The following DNMT3A variants were observed in gnomAD, a reference collection of about 807,000 sequenced individuals.
DNMT3A encodes the protein DNA (cytosine-5)-methyltransferase 3A.
A neutral mutation model predicts 117.6 loss-of-function variants in DNMT3A; 267 were observed. That is an observed-to-expected ratio of 2.27 (90% CI 2.05 to 2.51). The LOEUF is 2.51. Among genes scored for constraint, DNMT3A ranks in the 30% most tolerant of loss-of-function variants. The pLI, the probability that DNMT3A is intolerant of heterozygous loss-of-function variation, is 0.00. For missense variants in DNMT3A, 1,029 were observed against 1,260.2 expected, an observed-to-expected ratio of 0.82 and a Z score of 2.78; for synonymous variants, 432 against 474.8, an observed-to-expected ratio of 0.91 and a Z score of 1.17.
In DNMT3A at chr2:25,286,978, A is replaced by G. The variant is rs1402722900; in HGVS notation, c.178-4267T>C. ...GACTTTGCTCGATCCGGCTAGACTT[A>G]GCAGGGAGTGGGGCACCTGACAGGT... On this transcript the variant is annotated intron_variant, in intron 3 of 22. Coordinates refer to ENST00000321117, the MANE Select transcript of DNMT3A (RefSeq NM_022552.5). This position sits in a 1 kb window ranked among gnomAD's most constrained non-coding sequence, Gnocchi z 4.3. Among the ~76,000 whole-genome samples, 3 of 152,226 alleles carry G rather than the reference A, an allele frequency of 2.0e-5. No homozygotes were observed. The highest frequency in any genetic ancestry group is 1.3e-4 in the Admixed American group (2 of 15,290).
rs1482741976 is a variant in DNMT3A at position 25,245,887 on chromosome 2, G to A, written c.1474+133C>T. The A allele has an allele frequency of 2.7e-5, 31 of 1,159,796 alleles. No homozygotes were observed. The Middle Eastern group carries it at 8.4e-4, about 32-fold the overall frequency. The allele number at this position is 1,159,796 out of a possible 1,614,324, so 71.8% of individuals were successfully genotyped here. The stretch of plus-strand genomic sequence containing the variant: ...GGCACCAGAAAGACAGACAGTGCAC[G>A]AAGCACGGTGAAGGTGGTGTGACAC... On this transcript the variant is annotated intron_variant, in intron 12 of 22. Transcript: ENST00000321117.
rs1673704860 is a variant in DNMT3A, at chr2:25,239,214, G to A, written c.2324C>T (p.Ser775Phe). The change falls in exon 20 of 23, where the codon TCC becomes TTC. Residue 775 changes from serine (S) to phenylalanine (F), a missense_variant and splice_region_variant. Transcript: ENST00000321117. ...TTTGGCATCAATCATCACAGGGTTG[G>A]ACTACAAAACAGGAGACGGTTTGAA... ...DKRDISRFLESNPVMIDAKEV... is the reference protein window; with the variant it reads ...DKRDISRFLEFNPVMIDAKEV... 6.2e-7 allele frequency: 1 copy of A among 1,613,762 alleles called. No individual in the cohort carries two copies. Among genetic ancestry groups the A allele is most frequent in the Non-Finnish European group, 8.5e-7 (1 of 1,179,794 alleles).
At position 25,233,712 on chromosome 2, in the gene DNMT3A, T is replaced by C. The variant is rs1219121325; in HGVS notation, c.*567A>G. The stretch of plus-strand genomic sequence containing the variant: ...TGAGTGTCTCTCTCTTTCCGTCCCC[T>C]GCTTGTGCTCCTATCTGATCAGGCT... On this transcript the variant is annotated 3_prime_UTR_variant, in exon 23 of 23. Coordinates refer to ENST00000321117, the MANE Select transcript of DNMT3A (RefSeq NM_022552.5). 1.4e-5 allele frequency: 3 copies of C among 219,480 alleles called. No individual in the cohort carries two copies. Among genetic ancestry groups the C allele is most frequent in the African/African-American group, 2.4e-5 (1 of 41,560 alleles). 13.6% of individuals were successfully genotyped at this position (219,480 alleles called of 1,614,324 possible). A position where few individuals can be genotyped will look rare whatever the true frequency, so the allele number is the denominator to read the frequency against.
At chr2:25,288,505 T>G (rs1480908525) in intron 3 of DNMT3A, among the ~76,000 whole-genome samples, 1 of 151,832 alleles carries the variant, frequency 6.6e-6, no homozygotes, top group African/African-American at 2.4e-5. Context: ...AGAGATGGGA[T>G]TTCACCATCT....
intron 4 of DNMT3A, among the ~76,000 whole-genome samples, chr2:25,278,487 AC>A (rs2031636978): frequency 6.6e-6 from 1 of 152,144 alleles, no homozygotes; most frequent in African/African-American, 2.4e-5. Flanking sequence ...AAGTAATTTA[AC>A]CTTTCTGAAG....
chr2:25,292,205 C>T (rs1573441160), intron 3 of DNMT3A, among the ~76,000 whole-genome samples: 1 of 151,990 alleles, frequency 6.6e-6, no homozygotes, highest in African/African-American at 2.4e-5. Flanking sequence ...AAAAAATTAG[C>T]CAGGCATGGT....
Position 25,300,761 on chromosome 2 carries a change from AT to A in DNMT3A, c.73-519del, listed in dbSNP as rs1558723100. On this transcript the variant is annotated intron_variant, in intron 2 of 22. Transcript: ENST00000321117. ...TATATATATATATATATATATATATATATATATAAATAATACATCCTTTGGG... is the reference window on the plus strand; with the variant it reads ...TATATATATATATATATATATATATAATATATAAATAATACATCCTTTGGG... Among the ~76,000 whole-genome samples the A allele has an allele frequency of 1.0e-3, 72 of 72,230 alleles. 2 individuals are homozygous for A. Among genetic ancestry groups the A allele is most frequent in the Non-Finnish European group, 1.5e-3 (58 of 39,262 alleles). 47.4% of individuals were successfully genotyped at this position (72,230 alleles called of 152,430 possible).
In DNMT3A at chr2:25,311,883, G is replaced by A. The variant is rs1334748230; in HGVS notation, c.72+2030C>T. On this transcript the variant is annotated intron_variant, in intron 2 of 22. Transcript: ENST00000321117. The surrounding 1 kb of genome is among the most constrained non-coding windows in gnomAD (Gnocchi z 5.2). ...TGGGATTTCTGACTCCTGGTCCAGC[G>A]TTGCTTCTCAGTCCTGAGCTATTAT... Among the ~76,000 whole-genome samples the A allele has an allele frequency of 3.3e-5, 5 of 152,282 alleles. No individual in the cohort carries two copies. The highest frequency in any genetic ancestry group is 9.6e-5 in the African/African-American group (4 of 41,542).
rs376271785 is a variant in DNMT3A, at chr2:25,237,042, T to C, written c.2409-37A>G. The C allele has an allele frequency of 6.8e-6, 11 of 1,608,902 alleles. No individual in the cohort carries two copies. The highest frequency in any genetic ancestry group is 8.5e-7 in the Non-Finnish European group (1 of 1,177,468). On this transcript the variant is annotated intron_variant, in intron 20 of 22. Transcript: ENST00000321117. This position sits in a 1 kb window ranked among gnomAD's most constrained non-coding sequence, Gnocchi z 5.4. The stretch of plus-strand genomic sequence containing the variant: ...AAGAGAGACTGTAACAACAGAAACC[T>C]GGATAACAGCGGGAAGGGCCCCAGC...
At chr2:25,264,219 A>C (rs2149349075) in intron 6 of DNMT3A, among the ~76,000 whole-genome samples, 1 of 133,886 alleles carries the variant, frequency 7.5e-6, no homozygotes, top group East Asian at 2.3e-4. Context: ...GACTCACTGC[A>C]ACCTCCACCA....
At chr2:25,249,722 T>C (rs763955902) in intron 6 of DNMT3A, 1 of 1,614,136 alleles carries the variant, frequency 6.2e-7, no homozygotes, top group Non-Finnish European at 8.5e-7. Context: ...CGCTCCAGGA[T>C]CCCTACAAAG....
chr2:25,247,713 C>G lies in DNMT3A; in HGVS notation c.892G>C (p.Gly298Arg). 6.2e-7 allele frequency: 1 copy of G among 1,613,460 alleles called. No individual in the cohort carries two copies. The highest frequency in any genetic ancestry group is 8.5e-7 in the Non-Finnish European group (1 of 1,180,000). ...CACCAGGAGAAGCCCCGCAGTTTCC[C>G]CCACACCAGCTCCCCAATGCCAAAG... ...RGFGIGELVW[G>R]KLRGFSWWPG... Residue 298 changes from glycine to arginine, a missense_variant, in exon 8 of 23, where the codon GGG becomes CGG. Gly to Arg is a moderately radical substitution (Grantham distance 125). Transcript: ENST00000321117. This position sits in a 1 kb window ranked among gnomAD's most constrained non-coding sequence, Gnocchi z 5.6.
At chr2:25,238,898 G>A (rs1673655595) in intron 20 of DNMT3A, among the ~76,000 whole-genome samples, 1 of 152,228 alleles carries the variant, frequency 6.6e-6, no homozygotes, top group African/African-American at 2.4e-5. Context: ...TATAAAGAGA[G>A]TACTTTTAAA....
Position 25,234,267 on chromosome 2 carries a change from C to G in DNMT3A, c.*12G>C, listed in dbSNP as rs1012155733. 2.5e-6 allele frequency: 4 copies of G among 1,595,162 alleles called. No homozygotes were observed. The African/African-American group carries it at 5.4e-5, about 21-fold the overall frequency. On this transcript the variant is annotated 3_prime_UTR_variant, in exon 23 of 23. Transcript: ENST00000321117. The surrounding 1 kb of genome is among the most constrained non-coding windows in gnomAD (Gnocchi z 4.5). ...AACTTTGTGTCGCTACCTCAGTTTG[C>G]CCCCATGTCCCTTACACACACGCAA...
At chr2:25,245,809 G>T (rs926139360) in intron 12 of DNMT3A, among the ~76,000 whole-genome samples, 3 of 152,218 alleles carry the variant, frequency 2.0e-5, no homozygotes, top group Non-Finnish European at 2.9e-5. Context: ...GGCCACTGGG[G>T]AGTCCCACAC....
chr2:25,264,619 C>T (rs996551949), intron 6 of DNMT3A, among the ~76,000 whole-genome samples: 10 of 151,952 alleles, frequency 6.6e-5, no homozygotes, highest in South Asian at 2.1e-4. Context: ...CCTGCCACCA[C>T]GCCCGGCTAA....
At chr2:25,249,989 A>G (rs978528262) in intron 6 of DNMT3A, among the ~76,000 whole-genome samples, 2 of 152,252 alleles carry the variant, frequency 1.3e-5, no homozygotes, top group African/African-American at 2.4e-5. Flanking sequence ...CTGAAGTTGC[A>G]GCCTCTACAT....
At position 25,247,040 on chromosome 2, in the gene DNMT3A, G is replaced by A. The variant is rs1674886949; in HGVS notation, c.1122+11C>T. 6.2e-7 allele frequency: 1 copy of A among 1,613,052 alleles called. No individual in the cohort carries two copies. Among genetic ancestry groups the A allele is most frequent in the Non-Finnish European group, 8.5e-7 (1 of 1,179,542 alleles). On this transcript the variant is annotated intron_variant, in intron 9 of 22. Coordinates refer to ENST00000321117, the MANE Select transcript of DNMT3A (RefSeq NM_022552.5). This position sits in a 1 kb window ranked among gnomAD's most constrained non-coding sequence, Gnocchi z 5.6. ...AGGCTCCTCCTCCGAGCTCCCAGCA[G>A]GGACACTCACCTGCAGGACCTCGTA...
At chr2:25,275,675 G>A (rs2031349191) in intron 4 of DNMT3A, 132 bp from the exon 5 acceptor site, 2 of 969,648 alleles carry the variant, frequency 2.1e-6, no homozygotes, top group South Asian at 1.8e-5. Flanking sequence ...AGCTGTTCAT[G>A]TGTTAAATAT....
Sources: gnomAD v4.1 joint callset for allele counts (sites outside exome capture counted in the v4.1 genomes callset) on GRCh38, gnomAD v4.1.1 for gene constraint, Gnocchi (gnomAD v3.1) non-coding constraint, MANE v1.5 for transcripts, NCBI Gene and HGNC (gene_info 2026-07-23, HGNC 2026-07-21) for gene names.